SULF2: variants seen among roughly 807,000 people sequenced by gnomAD.
SULF2 encodes sulfatase 2.
In SULF2, 52 loss-of-function variants were observed where a neutral mutation model predicts 107.7. The ratio of observed to expected loss-of-function variants is 0.48; its 90% CI spans 0.39 to 0.61. The LOEUF (loss-of-function observed/expected upper bound fraction) is 0.61, where lower values mean the gene tolerates loss of function less well. Ranked by LOEUF, SULF2 falls within the 20% of genes least tolerant of loss-of-function variation. The probability of loss-of-function intolerance (pLI) is 0.00; values close to 1 mark genes in which losing one functional copy is unlikely to be tolerated. For missense variants in SULF2, 993 were observed against 1,177.3 expected (o/e 0.84, Z 2.29); for synonymous variants, 460 against 464.3 (o/e 0.99, Z 0.12).
chr20:47,708,640 T>A (rs145266268), intron 3 of SULF2, among the ~76,000 whole-genome samples: 13 of 152,230 alleles, frequency 8.5e-5, no homozygotes, highest in African/African-American at 3.1e-4. Flanking sequence ...TTCACTGAAC[T>A]CCCCACTGGG....
chr20:47,714,331 G>A (rs1040661100), intron 3 of SULF2, among the ~76,000 whole-genome samples: 2 of 152,276 alleles, frequency 1.3e-5, no homozygotes, highest in East Asian at 3.9e-4. Context: ...CCGGCCTCTT[G>A]ATTTTCGCCC....
In SULF2 at chr20:47,666,024, G is replaced by A. The variant is rs1193767809; in HGVS notation, c.1806-71C>T. The A allele has an allele frequency of 4.4e-6, 7 of 1,593,248 alleles. No individual in the cohort carries two copies. The East Asian group carries it at 1.6e-4, about 36-fold the overall frequency. ...GGAGCAGCCCAGGTGCCCAAGAGGT[G>A]TGGGAAGCCCTTGCCGAGGTCTGTC... On this transcript the variant is annotated intron_variant, in intron 12 of 20. Coordinates refer to ENST00000688720, the MANE Select transcript of SULF2 (RefSeq NM_001387048.1). The surrounding 1 kb of genome is among the most constrained non-coding windows in gnomAD (Gnocchi z 5.4).
intron 3 of SULF2, among the ~76,000 whole-genome samples, chr20:47,710,538 G>A (rs373508357): frequency 2.0e-5 from 3 of 151,752 alleles, no homozygotes; most frequent in South Asian, 2.1e-4. Flanking sequence ...CATGATGTTC[G>A]CACAATGACA....
intron 3 of SULF2, among the ~76,000 whole-genome samples, chr20:47,728,668 G>C (rs756489925): frequency 1.3e-5 from 2 of 152,160 alleles, no homozygotes; most frequent in Non-Finnish European, 2.9e-5. Context: ...TTTTGAGATA[G>C]AGTCTCATTC....
chr20:47,663,739 G>T, intron 15 of SULF2, 117 bp from the exon 16 acceptor site: 1 of 1,216,744 alleles, frequency 8.2e-7, no homozygotes, highest in Non-Finnish European at 1.1e-6. Flanking sequence ...GAGAGCCATG[G>T]GCATAGCAAT....
intron 4 of SULF2, among the ~76,000 whole-genome samples, chr20:47,700,295 T>G (rs1460241075): frequency 6.6e-6 from 1 of 152,202 alleles, no homozygotes; most frequent in Non-Finnish European, 1.5e-5. Flanking sequence ...TGTTTGTATA[T>G]TATCTATGGC....
intron 15 of SULF2, among the ~76,000 whole-genome samples, chr20:47,663,926 T>C (rs1374834335): frequency 2.0e-5 from 3 of 152,178 alleles, no homozygotes; most frequent in Admixed American, 1.3e-4. Flanking sequence ...TTGGTGGAGT[T>C]GCGGTAACCC....
intron 1 of SULF2, among the ~76,000 whole-genome samples, chr20:47,761,078 T>C (rs1463918531): frequency 6.6e-6 from 1 of 152,248 alleles, no homozygotes; most frequent in Non-Finnish European, 1.5e-5. Context: ...AGCCTGGCCA[T>C]AGTACTAACT....
intron 2 of SULF2, among the ~76,000 whole-genome samples, chr20:47,747,020 C>CAT: frequency 2.9e-5 from 2 of 68,020 alleles, no homozygotes; most frequent in African/African-American, 4.1e-5. Flanking sequence ...TATATATATA[C>CAT]ACACACACAC....
chr20:47,744,149 G>T (rs2089952744), intron 2 of SULF2, among the ~76,000 whole-genome samples: 1 of 152,104 alleles, frequency 6.6e-6, no homozygotes, highest in African/African-American at 2.4e-5. Context: ...TCTCTGCTTT[G>T]CATTACTTGG....
At chr20:47,783,665 C>T (rs1555870799) in intron 1 of SULF2, among the ~76,000 whole-genome samples, 1 of 152,110 alleles carries the variant, frequency 6.6e-6, no homozygotes, top group Non-Finnish European at 1.5e-5. Flanking sequence ...CACACAAAGC[C>T]CAAACCCCAA....
At position 47,659,559 on chromosome 20, in the gene SULF2, G is replaced by A. The variant is rs534495552; in HGVS notation, c.2529-107C>T. 5.8e-5 allele frequency: 82 copies of A among 1,402,608 alleles called. No individual in the cohort carries two copies. In the African/African-American group the frequency reaches 1.0e-3, roughly 18 times the overall value. 86.9% of individuals were successfully genotyped at this position (1,402,608 alleles called of 1,614,324 possible). On this transcript the variant is annotated intron_variant, in intron 19 of 20. Transcript: ENST00000688720. ...GTCTCCTAGGTGACACCTATCTTTGGTGGGTGATCCTGGTCTCGGGCAGAC... is the reference window on the plus strand; with the variant it reads ...GTCTCCTAGGTGACACCTATCTTTGATGGGTGATCCTGGTCTCGGGCAGAC...
chr20:47,770,060 T>TTTC (rs2090601552), intron 1 of SULF2, among the ~76,000 whole-genome samples: 1 of 135,856 alleles, frequency 7.4e-6, no homozygotes, highest in South Asian at 2.5e-4. Context: ...GTAGTTTTTT[T>TTTC]TTTTTTTTTT....
intron 7 of SULF2, 113 bp downstream of exon 7, chr20:47,682,881 A>G: frequency 9.6e-7 from 1 of 1,040,536 alleles, no homozygotes. Flanking sequence ...GCCCTGGGGT[A>G]CATCTGCGAA....
At chr20:47,737,793 TG>T (rs2089780577) in intron 2 of SULF2, among the ~76,000 whole-genome samples, 2 of 140,922 alleles carry the variant, frequency 1.4e-5, no homozygotes, top group South Asian at 4.6e-4. Flanking sequence ...GACAGAGTCT[TG>T]CTCTGTTGCC....
chr20:47,665,798 G>A lies in SULF2; in HGVS notation c.1902+59C>T. 50 of 1,446,398 alleles carry A rather than the reference G, an allele frequency of 3.5e-5. 1 individual carries two copies. The highest frequency in any genetic ancestry group is 6.9e-5 in the South Asian group (6 of 86,822). 89.6% of individuals were successfully genotyped at this position (1,446,398 alleles called of 1,614,324 possible). A position where few individuals can be genotyped will look rare whatever the true frequency, so the allele number is the denominator to read the frequency against. ...CCTCACTGCCCTCCCACTGTGAACC[G>A]GGGGTCCTGCCAGGCCCGTGGTGGC... On this transcript the variant is annotated intron_variant, in intron 13 of 20. Coordinates refer to ENST00000688720, the MANE Select transcript of SULF2 (RefSeq NM_001387048.1).
chr20:47,686,715 C>T (rs539793343), intron 5 of SULF2, among the ~76,000 whole-genome samples: 1 of 152,302 alleles, frequency 6.6e-6, no homozygotes, highest in Admixed American at 6.5e-5. Context: ...GTGACGCTGC[C>T]GCTGGGGTAG....
At chr20:47,681,833 C>T (rs538217643) in intron 7 of SULF2, among the ~76,000 whole-genome samples, 7 of 152,244 alleles carry the variant, frequency 4.6e-5, no homozygotes, top group African/African-American at 7.2e-5. Flanking sequence ...TACAGGTGTA[C>T]GCCACCATGT....
chr20:47,676,974 C>T, intron 9 of SULF2, 104 bp downstream of exon 9: 1 of 1,284,758 alleles, frequency 7.8e-7, no homozygotes, highest in Non-Finnish European at 1.1e-6. Flanking sequence ...AACTTCAGAG[C>T]CATGGGCAGC....
Sources: allele counts gnomAD v4.1 joint callset (sites outside exome capture counted in the v4.1 genomes callset), GRCh38; gene constraint gnomAD v4.1.1; non-coding constraint Gnocchi (gnomAD v3.1); transcripts MANE v1.5; gene names NCBI Gene and HGNC (gene_info 2026-07-23, HGNC 2026-07-21).